Variants in HYAL4 observed in about 807,000 individuals in gnomAD.
The protein encoded by HYAL4 is hyaluronidase 4, also known as hyaluronidase-4.
In HYAL4, 37 loss-of-function variants were observed where a neutral mutation model predicts 35.2. The observed-to-expected ratio is 1.05, with a 90% confidence interval of 0.81 to 1.38. HYAL4 has a LOEUF of 1.38. HYAL4 is among the 40% of genes most tolerant of loss of function. The pLI is 0.00. For synonymous variants in HYAL4, 198 were observed against 203.2 expected (o/e 0.97, Z 0.22); for missense variants, 572 against 572.4 (o/e 1.00, Z 0.01).
At chr7:123,778,808 T>C in the HYAL4 span, among the ~76,000 whole-genome samples, 2 of 152,236 alleles carry the variant, frequency 1.3e-5, no homozygotes, top group Admixed American at 1.3e-4. Flanking sequence ...AATATCTAAA[T>C]ATTCCTTTTC....
upstream of HYAL4, among the ~76,000 whole-genome samples, chr7:123,842,814 T>G (rs1806095699): frequency 6.6e-6 from 1 of 152,026 alleles, no homozygotes; most frequent in South Asian, 2.1e-4. Context: ...AGACTAGGAT[T>G]GCAACTCCTG....
chr7:123,825,115 T>C (rs1562989338), upstream of HYAL4, among the ~76,000 whole-genome samples: 1 of 151,700 alleles, frequency 6.6e-6, no homozygotes, highest in Non-Finnish European at 1.5e-5. Flanking sequence ...TCTCTCTTTC[T>C]CTCTCTCTCT....
intron 3 of HYAL4, among the ~76,000 whole-genome samples, chr7:123,872,241 C>T (rs1806902134): frequency 6.6e-6 from 1 of 152,180 alleles, no homozygotes; most frequent in Non-Finnish European, 1.5e-5. Flanking sequence ...TCCTACTTAT[C>T]AGTAAAAACG....
chr7:123,772,782 G>A, the HYAL4 span, among the ~76,000 whole-genome samples: 1 of 152,202 alleles, frequency 6.6e-6, no homozygotes, highest in African/African-American at 2.4e-5. Flanking sequence ...CCTGATGAAA[G>A]CTGCTTCTGT....
At chr7:123,818,156 C>T in the HYAL4 span, among the ~76,000 whole-genome samples, 3 of 152,198 alleles carry the variant, frequency 2.0e-5, no homozygotes, top group Admixed American at 6.5e-5. Context: ...AGATTACAGG[C>T]GTGAGCCACT....
chr7:123,870,549 G>A (rs1301005464), intron 3 of HYAL4, among the ~76,000 whole-genome samples: 1 of 152,080 alleles, frequency 6.6e-6, no homozygotes, highest in Non-Finnish European at 1.5e-5. Context: ...GGATCACAAG[G>A]TCAGGAGTTT....
chr7:123,778,632 A>G, the HYAL4 span, among the ~76,000 whole-genome samples: 1 of 152,154 alleles, frequency 6.6e-6, no homozygotes, highest in Non-Finnish European at 1.5e-5. Context: ...GAGCACAACA[A>G]AAGTGAAGTT....
At chr7:123,841,569 A>G (rs1806066750), upstream of HYAL4, among the ~76,000 whole-genome samples, 1 of 152,022 alleles carries the variant, frequency 6.6e-6, no homozygotes, top group South Asian at 2.1e-4. Context: ...AAGGAATGGT[A>G]CCAGCTCATC....
intron 3 of HYAL4, among the ~76,000 whole-genome samples, chr7:123,869,723 T>A (rs1806819146): frequency 6.6e-6 from 1 of 152,006 alleles, no homozygotes; most frequent in Non-Finnish European, 1.5e-5. Flanking sequence ...TTTTTGTTCT[T>A]GTCACCTAGG....
At chr7:123,866,327 A>G (rs1235921064) in intron 2 of HYAL4, among the ~76,000 whole-genome samples, 2 of 152,214 alleles carry the variant, frequency 1.3e-5, no homozygotes, top group East Asian at 1.9e-4. Flanking sequence ...ACCACTGGCA[A>G]TGTCACCTCA....
the HYAL4 span, among the ~76,000 whole-genome samples, chr7:123,809,365 G>A: frequency 6.7e-6 from 1 of 149,434 alleles, no homozygotes; most frequent in African/African-American, 2.4e-5. Flanking sequence ...CCTTGCAGCA[G>A]TATTCTTTCT....
chr7:123,822,154 T>C, the HYAL4 span, among the ~76,000 whole-genome samples: 3 of 152,292 alleles, frequency 2.0e-5, no homozygotes, highest in African/African-American at 7.2e-5. Flanking sequence ...ATATAAAGTT[T>C]AGTTTTTTGT....
the HYAL4 span, among the ~76,000 whole-genome samples, chr7:123,783,479 A>G: frequency 1.3e-5 from 2 of 152,216 alleles, no homozygotes; most frequent in African/African-American, 2.4e-5. Flanking sequence ...ATATTAAAAC[A>G]TAGAGAAGGA....
intron 3 of HYAL4, among the ~76,000 whole-genome samples, chr7:123,870,999 T>C (rs2116962440): frequency 6.6e-6 from 1 of 152,274 alleles, no homozygotes; most frequent in Non-Finnish European, 1.5e-5. Flanking sequence ...GCACATTCTG[T>C]GAACCTGGTA....
At chr7:123,833,366 C>T (rs976230201) in intron 1 of HYAL4, among the ~76,000 whole-genome samples, 48 of 151,714 alleles carry the variant, frequency 3.2e-4, no homozygotes, top group Admixed American at 2.7e-3. Context: ...TTTGATGGCC[C>T]GTGTATATCT....
At chr7:123,818,678 A>G in the HYAL4 span, among the ~76,000 whole-genome samples, 1 of 152,206 alleles carries the variant, frequency 6.6e-6, no homozygotes, top group African/African-American at 2.4e-5. Flanking sequence ...CATTGTAAAT[A>G]TTTCTCAAAT....
chr7:123,808,263 A>G, the HYAL4 span, among the ~76,000 whole-genome samples: 11 of 152,140 alleles, frequency 7.2e-5, no homozygotes, highest in Admixed American at 5.2e-4. Flanking sequence ...GCTTTATCAT[A>G]ATGAACTTAG....
the HYAL4 span, among the ~76,000 whole-genome samples, chr7:123,779,712 TAGG>T: frequency 6.6e-6 from 1 of 152,280 alleles, no homozygotes; most frequent in South Asian, 2.1e-4. Flanking sequence ...AGTATAAATT[TAGG>T]AGAGAATCAA....
At chr7:123,784,523 A>G in the HYAL4 span, among the ~76,000 whole-genome samples, 1 of 152,230 alleles carries the variant, frequency 6.6e-6, no homozygotes, top group African/African-American at 2.4e-5. Context: ...TGCTAAAGAA[A>G]GGAATGAGAA....
Sources: gnomAD v4.1 joint callset for allele counts (sites outside exome capture counted in the v4.1 genomes callset) on GRCh38, gnomAD v4.1.1 for gene constraint, MANE v1.5 for transcripts, NCBI Gene and HGNC (gene_info 2026-07-23, HGNC 2026-07-21) for gene names.